The following LSAMP variants were observed in gnomAD, a reference collection of about 807,000 sequenced individuals.
LSAMP encodes the protein limbic system-associated membrane protein.
In LSAMP, 7 loss-of-function variants were observed where a neutral mutation model predicts 38.6. That is an observed-to-expected ratio of 0.18 (90% confidence interval 0.10 to 0.34). The LOEUF (loss-of-function observed/expected upper bound fraction) is 0.34. Among genes scored for constraint, LSAMP ranks in the 10% least tolerant of loss-of-function variants. The probability of loss-of-function intolerance (pLI) is 1.00; values close to 1 mark genes in which losing one functional copy is unlikely to be tolerated. For synonymous variants in LSAMP, 154 were observed against 166.8 expected (o/e 0.92, Z 0.59); for missense variants, 313 against 420.0 (o/e 0.75, Z 2.23).
intron 1 of LSAMP, among the ~76,000 whole-genome samples, chr3:116,381,182 G>T (rs1306670916): frequency 6.6e-6 from 1 of 151,960 alleles, no homozygotes; most frequent in Non-Finnish European, 1.5e-5. Context: ...TTGTTTTATA[G>T]AAAATATTTC....
intron 1 of LSAMP, among the ~76,000 whole-genome samples, chr3:116,388,009 C>T (rs1221380987): frequency 6.6e-6 from 1 of 151,910 alleles, no homozygotes; most frequent in African/African-American, 2.4e-5. Context: ...GAGGCTGAGG[C>T]AGGAGAATGG....
intron 3 of LSAMP, among the ~76,000 whole-genome samples, chr3:115,877,917 A>C (rs1936225558): frequency 1.3e-5 from 2 of 152,064 alleles, no homozygotes; most frequent in Admixed American, 1.3e-4. Context: ...ACAGCTAAGC[A>C]AGCAAATGAT....
chr3:115,943,138 C>T (rs1187942282), intron 3 of LSAMP, among the ~76,000 whole-genome samples: 1 of 152,122 alleles, frequency 6.6e-6, no homozygotes, highest in Non-Finnish European at 1.5e-5. Context: ...TATGAACAAA[C>T]ATCTTGAAGA....
chr3:116,326,187 C>T (rs1333696052), intron 1 of LSAMP, among the ~76,000 whole-genome samples: 1 of 151,980 alleles, frequency 6.6e-6, no homozygotes, highest in Non-Finnish European at 1.5e-5. Context: ...CTTACCCTGA[C>T]CATGTTCCAG....
chr3:115,854,282 A>ATTATTTTTT (rs1366839788), intron 3 of LSAMP, among the ~76,000 whole-genome samples: 6 of 107,028 alleles, frequency 5.6e-5, no homozygotes, highest in African/African-American at 1.5e-4. Flanking sequence ...TATTATTATT[A>ATTATTTTTT]TTTTTTTTTT....
intron 1 of LSAMP, among the ~76,000 whole-genome samples, chr3:116,252,162 C>T (rs971084687): frequency 7.2e-5 from 11 of 152,198 alleles, no homozygotes; most frequent in Non-Finnish European, 1.3e-4. Context: ...TATACACAGC[C>T]TATCCTATGC....
intron 3 of LSAMP, among the ~76,000 whole-genome samples, chr3:116,009,187 G>A (rs2107672757): frequency 6.6e-6 from 1 of 152,174 alleles, no homozygotes; most frequent in Admixed American, 6.5e-5. Context: ...CTCTGTGCTA[G>A]ACTGCTTATG....
intron 3 of LSAMP, among the ~76,000 whole-genome samples, chr3:115,870,134 A>G (rs918763291): frequency 2.6e-5 from 4 of 152,264 alleles, no homozygotes; most frequent in Non-Finnish European, 4.4e-5. Flanking sequence ...ATGCATTTTT[A>G]TATTGTCTAT....
intron 1 of LSAMP, among the ~76,000 whole-genome samples, chr3:116,265,831 G>A (rs774356716): frequency 2.0e-5 from 3 of 152,116 alleles, no homozygotes; most frequent in Non-Finnish European, 2.9e-5. Flanking sequence ...TAATCCTCTT[G>A]ACCTGGACTA....
intron 3 of LSAMP, among the ~76,000 whole-genome samples, chr3:115,902,303 G>A (rs1936895742): frequency 6.6e-6 from 1 of 151,946 alleles, no homozygotes; most frequent in South Asian, 2.1e-4. Context: ...CCATGTATTG[G>A]AAAAGACAAC....
chr3:115,948,314 A>G (rs1435935668), intron 3 of LSAMP, among the ~76,000 whole-genome samples: 1 of 152,152 alleles, frequency 6.6e-6, no homozygotes, highest in Non-Finnish European at 1.5e-5. Context: ...CTACCCAACA[A>G]CTGCAGAATA....
At chr3:116,263,449 A>G (rs1409837346) in intron 1 of LSAMP, among the ~76,000 whole-genome samples, 4 of 152,008 alleles carry the variant, frequency 2.6e-5, no homozygotes, top group Non-Finnish European at 4.4e-5. Context: ...GAGGCACGAG[A>G]ATGGCTTGAA....
At chr3:116,290,236 T>C (rs576807334) in intron 1 of LSAMP, among the ~76,000 whole-genome samples, 2 of 152,298 alleles carry the variant, frequency 1.3e-5, no homozygotes, top group South Asian at 4.1e-4. Flanking sequence ...TTTTAGTTTA[T>C]AGGAGACACT....
Position 115,820,838 on chromosome 3 carries a change from G to T in LSAMP, c.920-10424C>A, listed in dbSNP as rs183212875. On this transcript the variant is annotated intron_variant, in intron 6 of 6. Transcript: ENST00000490035. ...GAGGGGAGATTCTATTTTCTTTTTAGAACCACGGTGCCTGAACCTAAGGTG... is the reference window on the plus strand; with the variant it reads ...GAGGGGAGATTCTATTTTCTTTTTATAACCACGGTGCCTGAACCTAAGGTG... Among the ~76,000 whole-genome samples the T allele has an allele frequency of 5.9e-5, 9 of 152,246 alleles. No homozygotes were observed. In the East Asian group the frequency reaches 1.4e-3, roughly 23 times the overall value.
At chr3:116,257,017 A>G (rs1344650713) in intron 1 of LSAMP, among the ~76,000 whole-genome samples, 1 of 152,170 alleles carries the variant, frequency 6.6e-6, no homozygotes, top group Non-Finnish European at 1.5e-5. Flanking sequence ...TGCTGGAGGC[A>G]CTTCTGGGCA....
chr3:116,097,784 G>A (rs191280490), intron 1 of LSAMP, among the ~76,000 whole-genome samples: 1 of 151,780 alleles, frequency 6.6e-6, no homozygotes, highest in Admixed American at 6.6e-5. Context: ...TGCCAAGGCT[G>A]GAGTGCAATG....
At chr3:116,391,692 T>C (rs1423070276) in intron 1 of LSAMP, among the ~76,000 whole-genome samples, 2 of 152,054 alleles carry the variant, frequency 1.3e-5, no homozygotes, top group Non-Finnish European at 2.9e-5. Context: ...TTGATAGTAC[T>C]GATGGCAGCA....
rs1939959226 is a variant in LSAMP, at chr3:116,000,501, C to T, written c.514+19014G>A. On this transcript the variant is annotated intron_variant, in intron 3 of 6. Coordinates refer to ENST00000490035, the MANE Select transcript of LSAMP (RefSeq NM_002338.5). ...CTCACTGTGTGTTTGAGTGATCAACCAAAGCCATGTGTGGGAAAGCACCTG... is the reference window on the plus strand; with the variant it reads ...CTCACTGTGTGTTTGAGTGATCAACTAAAGCCATGTGTGGGAAAGCACCTG... 2.0e-5 allele frequency among the ~76,000 whole-genome samples: 3 copies of T among 152,104 alleles called. No homozygotes were observed. In the South Asian group the frequency reaches 6.2e-4, roughly 32 times the overall value.
chr3:115,863,591 T>C (rs1935773181), intron 3 of LSAMP, among the ~76,000 whole-genome samples: 1 of 151,742 alleles, frequency 6.6e-6, no homozygotes, highest in Non-Finnish European at 1.5e-5. Flanking sequence ...ATATTGTATA[T>C]ATATATAAAT....
Sources: gnomAD v4.1 joint callset for allele counts (sites outside exome capture counted in the v4.1 genomes callset) on GRCh38, gnomAD v4.1.1 for gene constraint, MANE v1.5 for transcripts, NCBI Gene and HGNC (gene_info 2026-07-23, HGNC 2026-07-21) for gene names.